NF1: variants seen among roughly 807,000 people sequenced by gnomAD.
The protein encoded by NF1 is neurofibromin 1.
Under a neutral mutation model 325.7 loss-of-function variants are expected in NF1, and 122 were observed. The observed-to-expected ratio is 0.37, with a 90% CI of 0.32 to 0.44. NF1 has a LOEUF of 0.44. Ranked by LOEUF, NF1 falls within the 20% of genes least tolerant of loss-of-function variation. The probability of loss-of-function intolerance (pLI) is 1.00; values close to 1 mark genes in which losing one functional copy is unlikely to be tolerated. For missense variants in NF1, 2,140 were observed against 3,415.4 expected (o/e 0.63, Z 9.31); for synonymous variants, 1,091 against 1,186.0 (o/e 0.92, Z 1.65).
rs1555615115 is a variant in NF1 at position 31,233,220 on chromosome 17, G to A, written c.3708+7G>A. On this transcript the variant is annotated splice_region_variant and intron_variant, in intron 27 of 57. Transcript: ENST00000358273. ...GGTTCCTTGTTCTCAGTGGGTAAGT[G>A]ATTAGAGTAAGCGGGGAAGAAAAGT... The A allele has an allele frequency of 1.9e-6, 3 of 1,613,176 alleles. No homozygotes were observed. The highest frequency in any genetic ancestry group is 1.7e-4 in the Middle Eastern group (1 of 6,060).
chr17:31,212,138 G>C (rs2066738779), intron 12 of NF1, among the ~76,000 whole-genome samples: 2 of 151,994 alleles, frequency 1.3e-5, no homozygotes, highest in Admixed American at 6.6e-5. Context: ...ATTTGAAAAT[G>C]TTCTATTTTA....
chr17:31,323,353 A>G (rs1042711766), intron 36 of NF1, among the ~76,000 whole-genome samples: 3 of 151,920 alleles, frequency 2.0e-5, no homozygotes, highest in Admixed American at 1.3e-4. Context: ...GGTCAAGGCT[A>G]CAGTGAGCTG....
rs781115146 is a variant in NF1, at chr17:31,295,383, T to A, written c.4835+30044T>A. 17 of 1,614,016 alleles carry A rather than the reference T, an allele frequency of 1.1e-5. No individual in the cohort carries two copies. The South Asian group carries it at 1.9e-4, about 18-fold the overall frequency. ...GTAAAGGTGGTGTCTTTGCTTAGAG[T>A]GGCACCAAACGTTGTTTCCTTTGTT... On this transcript the variant is annotated intron_variant, in intron 36 of 57. Transcript: ENST00000358273.
intron 50 of NF1, among the ~76,000 whole-genome samples, chr17:31,351,263 A>G (rs949268501): frequency 3.9e-5 from 6 of 152,214 alleles, no homozygotes; most frequent in Non-Finnish European, 8.8e-5. Context: ...TCTTTTATCA[A>G]CATAACTACA....
At chr17:31,220,499 T>G (rs2066903230) in intron 14 of NF1, among the ~76,000 whole-genome samples, 1 of 152,190 alleles carries the variant, frequency 6.6e-6, no homozygotes, top group Non-Finnish European at 1.5e-5. Context: ...ACATAGGTAC[T>G]TATTGCTCTT....
intron 36 of NF1, chr17:31,294,985 A>C (rs1311026212): frequency 6.2e-7 from 1 of 1,613,966 alleles, no homozygotes; most frequent in Admixed American, 1.7e-5. Context: ...GAGTGCTTTC[A>C]TTAGTTTCAG....
In NF1 at chr17:31,261,877, T is replaced by C. The variant is rs2151466610; in HGVS notation, c.4724+20T>C. The C allele has an allele frequency of 1.2e-6, 2 of 1,612,366 alleles. No homozygotes were observed. Among genetic ancestry groups the C allele is most frequent in the Non-Finnish European group, 1.7e-6 (2 of 1,179,616 alleles). On this transcript the variant is annotated intron_variant, in intron 35 of 57. Transcript: ENST00000358273. ...GACTAGGTAAAGTACAACCTTGAAA[T>C]AGTTGATTGCTTTCTTTTTGGTTGA...
chr17:31,317,350 T>C (rs1312233018), intron 36 of NF1, among the ~76,000 whole-genome samples: 1 of 144,766 alleles, frequency 6.9e-6, no homozygotes, highest in Non-Finnish European at 1.5e-5. Flanking sequence ...ACCTGAAGTA[T>C]GCAGTTTTCC....
chr17:31,341,417 G>A (rs1250726212), intron 47 of NF1, among the ~76,000 whole-genome samples: 1 of 152,048 alleles, frequency 6.6e-6, no homozygotes, highest in Non-Finnish European at 1.5e-5. Flanking sequence ...CCAGCTACTC[G>A]GGAGGTGAGG....
chr17:31,101,827 G>A (rs890647931), intron 1 of NF1, among the ~76,000 whole-genome samples: 2 of 152,014 alleles, frequency 1.3e-5, no homozygotes, highest in African/African-American at 4.8e-5. Flanking sequence ...CTTCCTTTAG[G>A]AGGATTGTTT....
At chr17:31,283,425 A>AAC (rs1234560223) in intron 36 of NF1, among the ~76,000 whole-genome samples, 1 of 124,232 alleles carries the variant, frequency 8.0e-6, no homozygotes, top group African/African-American at 3.4e-5. Flanking sequence ...TCAAAAAAAC[A>AAC]AACAAAAAAA....
At chr17:31,304,752 G>A (rs1299445521) in intron 36 of NF1, 1 of 1,614,164 alleles carries the variant, frequency 6.2e-7, no homozygotes, top group African/African-American at 1.3e-5. Context: ...TAATTTCTAA[G>A]TCATCTGCTA....
chr17:31,318,716 C>G (rs778460678), intron 36 of NF1: 2 of 1,613,972 alleles, frequency 1.2e-6, no homozygotes, highest in Non-Finnish European at 1.7e-6. Flanking sequence ...CTGTTGCTGA[C>G]GACAGAAGGT....
chr17:31,282,902 TC>T (rs2068148974), intron 36 of NF1, among the ~76,000 whole-genome samples: 1 of 152,230 alleles, frequency 6.6e-6, no homozygotes, highest in Non-Finnish European at 1.5e-5. Flanking sequence ...AGTTTGAATT[TC>T]TGTACATCTT....
At chr17:31,243,178 C>CTGTGTGTGTGTGTGTGTGTGTGTG (rs2067330326) in intron 29 of NF1, among the ~76,000 whole-genome samples, 2 of 75,270 alleles carry the variant, frequency 2.7e-5, no homozygotes, top group African/African-American at 1.9e-4. Context: ...CAGTCTCTCT[C>CTGTGTGTGTGTGTGTGTGTGTGTG]TCTGTCTGTG....
At chr17:31,269,064 A>G (rs775914366) in intron 36 of NF1, among the ~76,000 whole-genome samples, 2 of 151,790 alleles carry the variant, frequency 1.3e-5, no homozygotes, top group Non-Finnish European at 2.9e-5. Flanking sequence ...TACCTTGGCA[A>G]TGTCTTTCGA....
In NF1 at chr17:31,227,587, C is replaced by T. The variant is rs1181350360; in HGVS notation, c.2390C>T (p.Ala797Val). The T allele has an allele frequency of 1.9e-6, 3 of 1,613,708 alleles. No homozygotes were observed. The highest frequency in any genetic ancestry group is 2.2e-5 in the East Asian group (1 of 44,852). ...ATKLILNYPK[A>V]KMEDGQAAES... The stretch of plus-strand genomic sequence containing the variant: ...AAGCTAATCCTTAACTATCCAAAAG[C>T]CAAAATGGAAGATGGCCAGGTAAGT... The change falls in exon 20 of 58, where the codon GCC (alanine) becomes GTC (valine). Residue 797 changes from alanine to valine, a missense_variant. By Grantham distance (64) the Ala-to-Val change is moderately conservative. This residue lies in a region of NF1 where 380 missense variants were observed against 639.3 expected (regional missense o/e 0.59). Transcript: ENST00000358273.
chr17:31,120,637 A>G lies in NF1; in HGVS notation c.60+25268A>G, dbSNP rs147974445. 3.1e-3 allele frequency among the ~76,000 whole-genome samples: 469 copies of G among 152,198 alleles called. 1 individual carries two copies. Among genetic ancestry groups the G allele is most frequent in the African/African-American group, 0.01 (435 of 41,514 alleles). On this transcript the variant is annotated intron_variant, in intron 1 of 57. Coordinates refer to ENST00000358273, the MANE Select transcript of NF1 (RefSeq NM_001042492.3). ...GATTGCCCTGGCCAGAACTTCCAATACTATGTTGTATAGGAGTGGTGAGAG... is the reference window on the plus strand; with the variant it reads ...GATTGCCCTGGCCAGAACTTCCAATGCTATGTTGTATAGGAGTGGTGAGAG...
chr17:31,126,428 T>C (rs1301449925), intron 1 of NF1, among the ~76,000 whole-genome samples: 1 of 152,142 alleles, frequency 6.6e-6, no homozygotes, highest in Non-Finnish European at 1.5e-5. Context: ...TTCATAGCAA[T>C]TTTTTATGGT....
Sources: allele counts gnomAD v4.1 joint callset (sites outside exome capture counted in the v4.1 genomes callset), GRCh38; gene constraint gnomAD v4.1.1; regional missense constraint gnomAD v4.1.1; transcripts MANE v1.5; gene names NCBI Gene and HGNC (gene_info 2026-07-23, HGNC 2026-07-21).